Variants in ZC3H12B observed in about 807,000 individuals in gnomAD.
ZC3H12B encodes probable ribonuclease ZC3H12B.
In ZC3H12B, 7 loss-of-function variants were observed where a neutral mutation model predicts 43.9. The observed-to-expected ratio is 0.16, with a 90% confidence interval of 0.09 to 0.30. The LOEUF is 0.30. Ranked by LOEUF, ZC3H12B falls within the 10% of genes least tolerant of loss-of-function variation. The probability of loss-of-function intolerance (pLI) is 1.00; values close to 1 mark genes in which losing one functional copy is unlikely to be tolerated. For missense variants in ZC3H12B, 475 were observed against 670.2 expected (o/e 0.71, Z 3.22); for synonymous variants, 222 against 241.7 (o/e 0.92, Z 0.76).
the ZC3H12B span, among the ~76,000 whole-genome samples, chrX:65,176,360 G>A: frequency 2.7e-5 from 3 of 111,819 alleles, no homozygotes; most frequent in Admixed American, 1.9e-4. Context: ...TCTGGGTAGG[G>A]CATCTCTGAA....
the ZC3H12B span, among the ~76,000 whole-genome samples, chrX:65,097,066 A>T: frequency 4.5e-5 from 5 of 111,746 alleles, no homozygotes; most frequent in Middle Eastern, 4.6e-3. Flanking sequence ...AGTTGTTAAA[A>T]TTTTTTAGAA....
At chrX:65,149,771 A>G in the ZC3H12B span, among the ~76,000 whole-genome samples, 8 of 35,786 alleles carry the variant, frequency 2.2e-4, no homozygotes, top group Admixed American at 2.7e-3. Context: ...CTCAAATAAT[A>G]ATAATAATAA....
At chrX:65,408,561 G>T in intron 3 of ZC3H12B, 1 of 1,188,744 alleles carries the variant, frequency 8.4e-7, no homozygotes, top group Non-Finnish European at 1.1e-6. Context: ...CCCCTCGGGG[G>T]CAGTGCCGGT....
At chrX:65,377,215 C>T (rs1287475787) in intron 2 of ZC3H12B, among the ~76,000 whole-genome samples, 3 of 105,109 alleles carry the variant, frequency 2.9e-5, no homozygotes, top group Middle Eastern at 4.9e-3. Flanking sequence ...ATATACAGTC[C>T]GAGGAGACAA....
chrX:65,230,456 G>A, the ZC3H12B span, among the ~76,000 whole-genome samples: 45 of 108,717 alleles, frequency 4.1e-4, 1 homozygote, highest in African/African-American at 1.4e-3. Context: ...AATGGGTGCA[G>A]CACACCAGCA....
the ZC3H12B span, among the ~76,000 whole-genome samples, chrX:65,094,099 C>T: frequency 9.1e-6 from 1 of 109,617 alleles, no homozygotes; most frequent in Non-Finnish European, 1.9e-5. Context: ...ATATGTGGCA[C>T]CTCCCCTCTT....
At chrX:65,207,367 G>A in the ZC3H12B span, among the ~76,000 whole-genome samples, 1 of 110,048 alleles carries the variant, frequency 9.1e-6, no homozygotes, top group Non-Finnish European at 1.9e-5. Flanking sequence ...ATTATTCTAA[G>A]TGAAGTAACT....
chrX:65,350,088 C>A, the ZC3H12B span, among the ~76,000 whole-genome samples: 9 of 111,820 alleles, frequency 8.0e-5, no homozygotes, highest in Non-Finnish European at 1.7e-4. Context: ...CCCTGATGAA[C>A]CTCAAGGTGA....
the ZC3H12B span, among the ~76,000 whole-genome samples, chrX:65,255,397 T>A: frequency 8.9e-6 from 1 of 112,024 alleles, no homozygotes; most frequent in South Asian, 3.7e-4. Context: ...TGAGGGCCTA[T>A]AAGCAATATT....
the ZC3H12B span, among the ~76,000 whole-genome samples, chrX:65,306,022 T>A: frequency 8.9e-6 from 1 of 112,074 alleles, no homozygotes; most frequent in Non-Finnish European, 1.9e-5. Context: ...ATTTGTTTCT[T>A]CTATTTCTAC....
At chrX:65,115,466 T>C in the ZC3H12B span, among the ~76,000 whole-genome samples, 1 of 111,779 alleles carries the variant, frequency 8.9e-6, no homozygotes, top group Non-Finnish European at 1.9e-5. Context: ...TGTTGGGCAT[T>C]TGGACTGGTT....
chrX:65,450,805 GTGTATATATGTATATA>G (rs2067487652), intron 3 of ZC3H12B, among the ~76,000 whole-genome samples: 35 of 46,821 alleles, frequency 7.5e-4, no homozygotes, highest in East Asian at 1.3e-3. Flanking sequence ...ATATACATAT[GTGTATATATGTATATA>G]TATACATATG....
At chrX:65,499,926 C>G in exon 4 of ZC3H12B, 2 of 1,211,691 alleles carry the variant, frequency 1.7e-6, no homozygotes, top group Non-Finnish European at 1.1e-6. Context: ...CGGCCCAAGC[C>G]TTGAAAATTT....
intron 3 of ZC3H12B, among the ~76,000 whole-genome samples, chrX:65,453,007 G>A (rs1462646108): frequency 9.1e-6 from 1 of 109,911 alleles, no homozygotes; most frequent in Non-Finnish European, 1.9e-5. Context: ...CAATCCTAAG[G>A]CACAGATGGA....
At chrX:65,457,382 C>A (rs1404942458) in intron 3 of ZC3H12B, among the ~76,000 whole-genome samples, 3 of 58,032 alleles carry the variant, frequency 5.2e-5, no homozygotes, top group Admixed American at 1.9e-4. Context: ...TGCCCGGCCG[C>A]CCCTACTGGG....
At chrX:65,160,253 G>T in the ZC3H12B span, among the ~76,000 whole-genome samples, 1 of 111,731 alleles carries the variant, frequency 9.0e-6, no homozygotes, top group African/African-American at 3.2e-5. Context: ...CCCGGCTTTG[G>T]TATCAGGATG....
the ZC3H12B span, among the ~76,000 whole-genome samples, chrX:65,223,738 T>C: frequency 8.9e-6 from 1 of 112,113 alleles, no homozygotes; most frequent in South Asian, 3.7e-4. Flanking sequence ...TCACTAATGA[T>C]CAGGGAAATG....
chrX:65,173,015 C>T, the ZC3H12B span, among the ~76,000 whole-genome samples: 1 of 111,800 alleles, frequency 8.9e-6, no homozygotes, highest in Admixed American at 9.6e-5. Flanking sequence ...TTACTTTGGG[C>T]AGTATGGCCA....
chrX:65,506,001 C>T (rs1279018332), exon 5 of ZC3H12B: 1 of 111,791 alleles, frequency 8.9e-6, no homozygotes, highest in Non-Finnish European at 1.9e-5. Context: ...TGTATAGAAA[C>T]AAATGTACAA....
Sources: allele counts gnomAD v4.1 joint callset (sites outside exome capture counted in the v4.1 genomes callset), GRCh38; gene constraint gnomAD v4.1.1; transcripts MANE v1.5; gene names NCBI Gene and HGNC (gene_info 2026-07-23, HGNC 2026-07-21).